Variants in SYT2 observed in about 807,000 individuals in gnomAD.
SYT2 encodes synaptotagmin-2.
SYT2 carries 15 observed loss-of-function variants against 39.9 expected under a neutral mutation model. That is an observed-to-expected ratio of 0.38 (90% CI 0.25 to 0.58). SYT2 has a LOEUF of 0.58. Among genes scored for constraint, SYT2 ranks in the 20% least tolerant of loss-of-function variants. The pLI, the probability that SYT2 is intolerant of heterozygous loss-of-function variation, is 0.70. For missense variants in SYT2, 389 were observed against 530.3 expected, an observed-to-expected ratio of 0.73 and a Z score of 2.62; for synonymous variants, 181 against 204.5, an observed-to-expected ratio of 0.89 and a Z score of 0.98.
intron 1 of SYT2, among the ~76,000 whole-genome samples, chr1:202,654,219 G>A (rs1471255047): frequency 6.6e-6 from 1 of 152,228 alleles, no homozygotes; most frequent in Non-Finnish European, 1.5e-5. Flanking sequence ...TTTAGCTGCT[G>A]CTTAAATGGA....
At chr1:202,619,088 C>T (rs536011765) in intron 1 of SYT2, among the ~76,000 whole-genome samples, 1 of 152,310 alleles carries the variant, frequency 6.6e-6, no homozygotes, top group East Asian at 1.9e-4. Flanking sequence ...CTATTTCCCC[C>T]ACTCTAGGAG....
At chr1:202,598,699 C>A (rs1277719149) in intron 8 of SYT2, among the ~76,000 whole-genome samples, 1 of 152,168 alleles carries the variant, frequency 6.6e-6, no homozygotes, top group Admixed American at 6.5e-5. Flanking sequence ...ATGGTGAAAA[C>A]CAGACCTCAT....
intron 1 of SYT2, among the ~76,000 whole-genome samples, chr1:202,653,114 T>C (rs969716028): frequency 1.7e-4 from 26 of 152,038 alleles, no homozygotes; most frequent in Non-Finnish European, 3.1e-4. Flanking sequence ...ACTATTTTCA[T>C]AGAAAATCTC....
rs556945201 is a variant in SYT2, at chr1:202,699,221, T to C, written c.-18+11037A>G. On this transcript the variant is annotated intron_variant, in intron 1 of 8. Coordinates refer to ENST00000367268, the MANE Select transcript of SYT2 (RefSeq NM_177402.5). ...ATTATTTGTAGAGATGGGGTCTCGC[T>C]ATGTTGCCCAGACTGGTCTTGAACT... Among the ~76,000 whole-genome samples the C allele has an allele frequency of 1.9e-3, 290 of 152,040 alleles. 2 individuals carry two copies. Among genetic ancestry groups the C allele is most frequent in the African/African-American group, 6.8e-3 (280 of 41,474 alleles).
In SYT2 at chr1:202,599,168, T is replaced by A. The variant is rs1690407926; in HGVS notation, c.1053+50A>T. ...CCTCTCTTCAACCTCCCCATACATG[T>A]TTGCCTCCCCAAACCCTGCTCCATG... On this transcript the variant is annotated intron_variant, in intron 8 of 8. Coordinates refer to ENST00000367268, the MANE Select transcript of SYT2 (RefSeq NM_177402.5). The surrounding 1 kb of genome is among the most constrained non-coding windows in gnomAD (Gnocchi z 4.4). 1 of 1,603,064 alleles carries A rather than the reference T, an allele frequency of 6.2e-7. No homozygotes were observed. The highest frequency in any genetic ancestry group is 8.5e-7 in the Non-Finnish European group (1 of 1,176,656).
intron 1 of SYT2, among the ~76,000 whole-genome samples, chr1:202,665,304 A>G (rs1692460619): frequency 6.6e-6 from 1 of 152,174 alleles, no homozygotes; most frequent in Admixed American, 6.5e-5. Context: ...GAGAGGATGA[A>G]CCCAATAACT....
intron 1 of SYT2, among the ~76,000 whole-genome samples, chr1:202,697,803 A>C (rs1185894009): frequency 6.6e-6 from 1 of 152,246 alleles, no homozygotes. Flanking sequence ...TTGAATGTAT[A>C]CCATTTTTAT....
intron 1 of SYT2, among the ~76,000 whole-genome samples, chr1:202,706,761 G>A (rs1304214848): frequency 6.6e-6 from 1 of 152,224 alleles, no homozygotes; most frequent in Non-Finnish European, 1.5e-5. Flanking sequence ...CTCTGACTGA[G>A]TGGAAGATGA....
intron 1 of SYT2, among the ~76,000 whole-genome samples, chr1:202,671,324 A>G (rs1341476513): frequency 6.6e-6 from 1 of 152,206 alleles, no homozygotes; most frequent in Non-Finnish European, 1.5e-5. Flanking sequence ...ATGGCGGTGG[A>G]GGCCAGTCCC....
Position 202,596,726 on chromosome 1 carries a change from G to A in SYT2, c.*31C>T, listed in dbSNP as rs369306021. 43 of 1,595,496 alleles carry A rather than the reference G, an allele frequency of 2.7e-5. No homozygotes were observed. In the African/African-American group the frequency reaches 4.5e-4, roughly 17 times the overall value. On this transcript the variant is annotated 3_prime_UTR_variant, in exon 9 of 9. Coordinates refer to ENST00000367268, the MANE Select transcript of SYT2 (RefSeq NM_177402.5). ...ATAGCTCTGGATCTTGTCAGTGTCC[G>A]TGAAAGGTGTGGGGTCCCAGCCGCT...
chr1:202,705,819 G>A (rs1353679014), intron 1 of SYT2, among the ~76,000 whole-genome samples: 1 of 151,814 alleles, frequency 6.6e-6, no homozygotes, highest in African/African-American at 2.4e-5. Flanking sequence ...GGGCTCAGGC[G>A]ATCCTCCTGC....
At chr1:202,701,229 C>A (rs769722295) in intron 1 of SYT2, among the ~76,000 whole-genome samples, 2 of 152,158 alleles carry the variant, frequency 1.3e-5, no homozygotes, top group Non-Finnish European at 2.9e-5. Flanking sequence ...GAGCTCACTT[C>A]GTTCATTTTT....
intron 1 of SYT2, among the ~76,000 whole-genome samples, chr1:202,698,399 C>T (rs755097708): frequency 1.3e-5 from 2 of 152,136 alleles, no homozygotes; most frequent in Non-Finnish European, 2.9e-5. Flanking sequence ...CATCTGACCT[C>T]GTCTGAAGGC....
At chr1:202,643,591 G>A (rs1265368399) in intron 1 of SYT2, 6 of 152,410 alleles carry the variant, frequency 3.9e-5, no homozygotes, top group East Asian at 3.9e-4. Flanking sequence ...CCACGACGCA[G>A]GGCCCCCGCC....
intron 4 of SYT2, 65 bp downstream of exon 4, chr1:202,602,934 C>T: frequency 2.5e-6 from 4 of 1,580,842 alleles, no homozygotes; most frequent in Non-Finnish European, 3.5e-6. Context: ...GTTTCTATCC[C>T]CCTTCCACCC....
At chr1:202,705,479 G>A (rs1041423122) in intron 1 of SYT2, among the ~76,000 whole-genome samples, 1 of 152,230 alleles carries the variant, frequency 6.6e-6, no homozygotes, top group African/African-American at 2.4e-5. Context: ...CGGCTAAAGT[G>A]ACCAAGGAAG....
chr1:202,603,050 C>G lies in SYT2; in HGVS notation c.414G>C (p.Glu138Asp), dbSNP rs1690572375. 1 of 1,614,068 alleles carries G rather than the reference C, an allele frequency of 6.2e-7. No individual in the cohort carries two copies. Among genetic ancestry groups the G allele is most frequent in the Non-Finnish European group, 8.5e-7 (1 of 1,179,998 alleles). Residue 138 changes from glutamate (E) to aspartate (D), a missense_variant, in exon 4 of 9, where the codon GAG becomes GAC. Glu to Asp is a conservative substitution (Grantham distance 45, BLOSUM62 2). Around this residue, in one of 4 missense-constraint regions of SYT2, gnomAD observed 280 missense variants for 335.6 expected, o/e 0.83. Coordinates refer to ENST00000367268, the MANE Select transcript of SYT2 (RefSeq NM_177402.5). ...GGGAAAACTGCAGTTTGCCCAGGTT[C>G]TCTGGCTCTTTCTCCTCCTCCCCTT... Reference protein sequence around the residue: ...EGEGEEEKEPENLGKLQFSLD... With the variant: ...EGEGEEEKEPDNLGKLQFSLD...
At chr1:202,617,480 A>C (rs1217659874) in intron 1 of SYT2, among the ~76,000 whole-genome samples, 2 of 152,014 alleles carry the variant, frequency 1.3e-5, no homozygotes, top group African/African-American at 4.8e-5. Context: ...CCAGAAGCCG[A>C]GCAGATGCCA....
chr1:202,601,575 G>A lies in SYT2; in HGVS notation c.801+315C>T, dbSNP rs576704548. On this transcript the variant is annotated intron_variant, in intron 6 of 8. Transcript: ENST00000367268. This position sits in a 1 kb window ranked among gnomAD's most constrained non-coding sequence, Gnocchi z 4.0. Reference sequence around the variant, plus strand: ...CAGAGGCGTGAATCACTGGCCTTAGGTAATAGCAGAAGCTTAGGAGTAACA... The same window carrying A: ...CAGAGGCGTGAATCACTGGCCTTAGATAATAGCAGAAGCTTAGGAGTAACA... Among the ~76,000 whole-genome samples, 3 of 152,222 alleles carry A rather than the reference G, an allele frequency of 2.0e-5. No homozygotes were observed. The highest frequency in any genetic ancestry group is 4.4e-5 in the Non-Finnish European group (3 of 68,034).
Sources: allele counts gnomAD v4.1 joint callset (sites outside exome capture counted in the v4.1 genomes callset), GRCh38; gene constraint gnomAD v4.1.1; regional missense constraint gnomAD v4.1.1; non-coding constraint Gnocchi (gnomAD v3.1); transcripts MANE v1.5; gene names NCBI Gene and HGNC (gene_info 2026-07-23, HGNC 2026-07-21).